RPTOR: variants seen among roughly 807,000 people sequenced by gnomAD.
RPTOR encodes regulatory-associated protein of mTOR.
RPTOR carries 21 observed loss-of-function variants against 169.9 expected under a neutral mutation model. The ratio of observed to expected loss-of-function variants is 0.12; its 90% CI spans 0.09 to 0.18. The LOEUF (loss-of-function observed/expected upper bound fraction) is 0.18, where lower values mean the gene tolerates loss of function less well. RPTOR is among the 10% of genes least tolerant of loss of function. RPTOR has a pLI of 1.00. For missense variants in RPTOR, 1,133 were observed against 1,855.9 expected (o/e 0.61, Z 7.16); for synonymous variants, 732 against 753.2 (o/e 0.97, Z 0.46).
chr17:80,871,825 C>G (rs1320313361), intron 13 of RPTOR, among the ~76,000 whole-genome samples: 2 of 151,944 alleles, frequency 1.3e-5, no homozygotes, highest in African/African-American at 4.8e-5. Context: ...TCAGTTTGCC[C>G]CTTCTTGAGC....
intron 4 of RPTOR, chr17:80,709,017 G>A (rs553022530): frequency 4.1e-6 from 4 of 985,442 alleles, no homozygotes; most frequent in Non-Finnish European, 2.4e-6. Context: ...GCTAGCATTC[G>A]GCACAGGTGG....
chr17:80,844,024 G>C lies in RPTOR; in HGVS notation c.1213-2449G>C, dbSNP rs2067699242. Among the ~76,000 whole-genome samples, 1 of 152,174 alleles carries C rather than the reference G, an allele frequency of 6.6e-6. No homozygotes were observed. On this transcript the variant is annotated intron_variant, in intron 10 of 33. Transcript: ENST00000306801. This position sits in a 1 kb window ranked among gnomAD's most constrained non-coding sequence, Gnocchi z 4.7. ...GGACCTGTGAGCTCTCTGTCTCGCTGAATGGACTTCGCTCCCCTGCACGCA... is the reference window on the plus strand; with the variant it reads ...GGACCTGTGAGCTCTCTGTCTCGCTCAATGGACTTCGCTCCCCTGCACGCA...
intron 1 of RPTOR, among the ~76,000 whole-genome samples, chr17:80,610,574 C>T (rs964214709): frequency 5.3e-5 from 8 of 152,078 alleles, no homozygotes; most frequent in Admixed American, 1.3e-4. Flanking sequence ...CTGATGGCCT[C>T]GTGGCTGTAC....
At chr17:80,903,777 G>C (rs772912863) in intron 20 of RPTOR, among the ~76,000 whole-genome samples, 1 of 152,140 alleles carries the variant, frequency 6.6e-6, no homozygotes, top group Non-Finnish European at 1.5e-5. Flanking sequence ...CTGGGTTTCA[G>C]GGCAGAGAAG....
chr17:80,892,081 A>G (rs2068332121), intron 18 of RPTOR, among the ~76,000 whole-genome samples: 1 of 152,170 alleles, frequency 6.6e-6, no homozygotes. Context: ...TTAAACTCAC[A>G]GAGACCTTGA....
chr17:80,693,627 C>T (rs2066011332), intron 3 of RPTOR, among the ~76,000 whole-genome samples: 1 of 152,168 alleles, frequency 6.6e-6, no homozygotes, highest in Admixed American at 6.5e-5. Flanking sequence ...CCTTGTAGTC[C>T]CTTTGGGTTC....
chr17:80,611,418 C>T (rs2065269935), intron 1 of RPTOR, among the ~76,000 whole-genome samples: 1 of 152,084 alleles, frequency 6.6e-6, no homozygotes, highest in South Asian at 2.1e-4. Flanking sequence ...CGCACCACCA[C>T]ACCCAACTAA....
At chr17:80,893,253 G>T (rs1419318399) in intron 19 of RPTOR, among the ~76,000 whole-genome samples, 1 of 151,136 alleles carries the variant, frequency 6.6e-6, no homozygotes, top group Non-Finnish European at 1.5e-5. Flanking sequence ...TGTGTGCCAG[G>T]GTGTGTGCGC....
chr17:80,875,663 G>A (rs569993124), intron 13 of RPTOR, among the ~76,000 whole-genome samples: 11 of 151,508 alleles, frequency 7.3e-5, no homozygotes, highest in South Asian at 2.1e-4. Context: ...AGTCTCTGCC[G>A]GGTCTTCCAC....
intron 1 of RPTOR, among the ~76,000 whole-genome samples, chr17:80,619,987 C>A (rs1195346911): frequency 6.6e-6 from 1 of 152,300 alleles, no homozygotes; most frequent in Non-Finnish European, 1.5e-5. Context: ...TAGGCGTGTG[C>A]TCCAGCCTTT....
At chr17:80,723,928 A>G (rs774791495) in intron 4 of RPTOR, among the ~76,000 whole-genome samples, 13 of 151,364 alleles carry the variant, frequency 8.6e-5, no homozygotes, top group Non-Finnish European at 1.5e-4. Context: ...ATACATAGAG[A>G]GCATGTGATT....
chr17:80,714,240 C>T (rs2066221502), intron 4 of RPTOR, among the ~76,000 whole-genome samples: 1 of 152,060 alleles, frequency 6.6e-6, no homozygotes, highest in Non-Finnish European at 1.5e-5. Context: ...CGTGCCTGGC[C>T]CTGTAATTAA....
chr17:80,867,906 C>T (rs1013992015), intron 13 of RPTOR, among the ~76,000 whole-genome samples: 7 of 152,188 alleles, frequency 4.6e-5, no homozygotes, highest in African/African-American at 1.4e-4. Flanking sequence ...ATCTTGATTT[C>T]TGCTTCTGAG....
intron 1 of RPTOR, among the ~76,000 whole-genome samples, chr17:80,576,613 T>G (rs2064965742): frequency 6.6e-6 from 1 of 152,262 alleles, no homozygotes; most frequent in African/African-American, 2.4e-5. Context: ...TGGGGCCACC[T>G]ACTTTGACTG....
chr17:80,662,691 G>A (rs1001030108), intron 3 of RPTOR, among the ~76,000 whole-genome samples: 1 of 152,114 alleles, frequency 6.6e-6, no homozygotes, highest in African/African-American at 2.4e-5. Context: ...CACGACTCCC[G>A]AGCAGCAAGG....
Position 80,730,739 on chromosome 17 carries a change from G to T in RPTOR, c.654+33G>T. 6.6e-7 allele frequency: 1 copy of T among 1,524,342 alleles called. No individual in the cohort carries two copies. The allele number at this position is 1,524,342 out of a possible 1,614,324, so 94.4% of individuals were successfully genotyped here. A position where few individuals can be genotyped will look rare whatever the true frequency, so the allele number is the denominator to read the frequency against. On this transcript the variant is annotated intron_variant, in intron 5 of 33. Coordinates refer to ENST00000306801, the MANE Select transcript of RPTOR (RefSeq NM_020761.3). This position sits in a 1 kb window ranked among gnomAD's most constrained non-coding sequence, Gnocchi z 4.2. ...CTCTGGTGCTTGGAGAGCGGTGCTG[G>T]GTTTGGTTTTGTTTTCCCTGGGGGT...
intron 3 of RPTOR, among the ~76,000 whole-genome samples, chr17:80,693,602 T>A (rs1681889518): frequency 6.6e-6 from 1 of 152,236 alleles, no homozygotes; most frequent in African/African-American, 2.4e-5. Context: ...TTGAGAACAT[T>A]ACGAGTTACT....
At position 80,874,823 on chromosome 17, in the gene RPTOR, G is replaced by A. The variant is rs998958353; in HGVS notation, c.1510-5592G>A. Among the ~76,000 whole-genome samples, 6 of 152,220 alleles carry A rather than the reference G, an allele frequency of 3.9e-5. No homozygotes were observed. In the East Asian group the frequency reaches 1.2e-3, roughly 29 times the overall value. On this transcript the variant is annotated intron_variant, in intron 13 of 33. Transcript: ENST00000306801. ...CCTCACGTTACGGTAACACACCACC[G>A]AAGGCTCACTCAGGAGCTGTGTTCT...
At chr17:80,829,224 ATACT>A (rs72000857) in intron 9 of RPTOR, among the ~76,000 whole-genome samples, 2,100 of 152,344 alleles carry the variant, frequency 0.014, 45 homozygotes, top group African/African-American at 0.047. Flanking sequence ...AAATCATTAC[ATACT>A]TCTTTACATG....
Sources: allele counts gnomAD v4.1 joint callset (sites outside exome capture counted in the v4.1 genomes callset), GRCh38; gene constraint gnomAD v4.1.1; non-coding constraint Gnocchi (gnomAD v3.1); transcripts MANE v1.5; gene names NCBI Gene and HGNC (gene_info 2026-07-23, HGNC 2026-07-21).